ADGRB3: variants seen among roughly 807,000 people sequenced by gnomAD.
ADGRB3 encodes the protein brain-specific angiogenesis inhibitor 3.
ADGRB3 carries 37 observed loss-of-function variants against 193.4 expected under a neutral mutation model. The observed-to-expected ratio is 0.19, with a 90% CI of 0.15 to 0.25. The LOEUF (loss-of-function observed/expected upper bound fraction) is 0.25, where lower values mean the gene tolerates loss of function less well. ADGRB3 is among the 10% of genes least tolerant of loss of function. The pLI is 1.00. For synonymous variants in ADGRB3, 690 were observed against 644.2 expected, an observed-to-expected ratio of 1.07 and a Z score of -1.08; for missense variants, 1,637 against 1,852.9, an observed-to-expected ratio of 0.88 and a Z score of 2.14.
chr6:69,156,150 C>G (rs1774832688), intron 17 of ADGRB3, among the ~76,000 whole-genome samples: 1 of 152,168 alleles, frequency 6.6e-6, no homozygotes, highest in East Asian at 1.9e-4. Flanking sequence ...AATAAAATGT[C>G]ACTATTCCAT....
At chr6:68,663,836 T>C (rs1768732576) in intron 3 of ADGRB3, among the ~76,000 whole-genome samples, 1 of 151,852 alleles carries the variant, frequency 6.6e-6, no homozygotes, top group Admixed American at 6.6e-5. Context: ...TATGTGAAAG[T>C]CAAATATGAT....
At chr6:69,028,448 A>G (rs1299425204) in intron 13 of ADGRB3, among the ~76,000 whole-genome samples, 5 of 152,230 alleles carry the variant, frequency 3.3e-5, no homozygotes, top group Non-Finnish European at 5.9e-5. Context: ...ACAGCTTTAC[A>G]AATGTTATGT....
chr6:68,639,633 T>C (rs979329946), intron 3 of ADGRB3, among the ~76,000 whole-genome samples: 6 of 152,154 alleles, frequency 3.9e-5, no homozygotes, highest in African/African-American at 1.4e-4. Context: ...GAGGACTGGA[T>C]AGCTCAGCAG....
intron 3 of ADGRB3, among the ~76,000 whole-genome samples, chr6:68,641,978 C>T (rs1768093057): frequency 6.6e-6 from 1 of 151,776 alleles, no homozygotes; most frequent in Non-Finnish European, 1.5e-5. Flanking sequence ...TCATTTTATT[C>T]CAGAGTGTTA....
At chr6:68,764,584 A>G (rs1243862233) in intron 3 of ADGRB3, among the ~76,000 whole-genome samples, 2 of 152,214 alleles carry the variant, frequency 1.3e-5, no homozygotes, top group Non-Finnish European at 2.9e-5. Context: ...CAGCACCAGT[A>G]AAAGAAAATA....
At chr6:68,646,993 C>G (rs1768231623) in intron 3 of ADGRB3, among the ~76,000 whole-genome samples, 1 of 152,074 alleles carries the variant, frequency 6.6e-6, no homozygotes, top group Non-Finnish European at 1.5e-5. Flanking sequence ...GGGTTGGAAA[C>G]TTTAAGAAGG....
intron 10 of ADGRB3, among the ~76,000 whole-genome samples, chr6:68,985,087 T>TA (rs76157626): frequency 0.1 from 15,803 of 151,886 alleles, 1,648 homozygotes; most frequent in East Asian, 0.57. Context: ...AAGTCTGAAA[T>TA]ACAGAATTTA....
At chr6:68,867,682 C>CA (rs1179924368) in intron 3 of ADGRB3, among the ~76,000 whole-genome samples, 2 of 152,226 alleles carry the variant, frequency 1.3e-5, no homozygotes, top group Non-Finnish European at 2.9e-5. Flanking sequence ...CTGTAGCCTG[C>CA]AAAGCCACAG....
intron 17 of ADGRB3, among the ~76,000 whole-genome samples, chr6:69,100,714 G>A (rs1417282322): frequency 1.3e-5 from 2 of 150,382 alleles, no homozygotes; most frequent in Non-Finnish European, 3.0e-5. Context: ...ATTCCAGAAA[G>A]GTAATTACTG....
chr6:69,113,400 C>A (rs966026483), intron 17 of ADGRB3, among the ~76,000 whole-genome samples: 8 of 151,646 alleles, frequency 5.3e-5, no homozygotes, highest in African/African-American at 1.9e-4. Flanking sequence ...GTGTATATAT[C>A]ATATATACTC....
intron 3 of ADGRB3, among the ~76,000 whole-genome samples, chr6:68,822,972 T>C (rs1028517803): frequency 6.6e-6 from 1 of 151,904 alleles, no homozygotes; most frequent in Non-Finnish European, 1.5e-5. Context: ...ATGGCAGAAA[T>C]AAACATAAAG....
chr6:68,840,056 C>T (rs184228960), intron 3 of ADGRB3, among the ~76,000 whole-genome samples: 3 of 152,220 alleles, frequency 2.0e-5, no homozygotes, highest in African/African-American at 4.8e-5. Flanking sequence ...ATGGTCAGAA[C>T]GTGAGTTCTG....
At chr6:68,771,988 C>T (rs535348954) in intron 3 of ADGRB3, among the ~76,000 whole-genome samples, 2 of 152,206 alleles carry the variant, frequency 1.3e-5, no homozygotes, top group African/African-American at 4.8e-5. Context: ...CTGCTTGTCA[C>T]TTGCTTCTAT....
intron 17 of ADGRB3, among the ~76,000 whole-genome samples, chr6:69,224,950 A>G (rs1765978140): frequency 6.6e-6 from 1 of 152,096 alleles, no homozygotes; most frequent in African/African-American, 2.4e-5. Context: ...TCCTTTTAAT[A>G]TTAACACTCT....
chr6:68,882,522 G>C (rs1461441776), intron 3 of ADGRB3, among the ~76,000 whole-genome samples: 2 of 152,064 alleles, frequency 1.3e-5, no homozygotes, highest in Admixed American at 1.3e-4. Context: ...GGTTTTAAAA[G>C]AATTATATGC....
intron 20 of ADGRB3, among the ~76,000 whole-genome samples, chr6:69,256,080 G>A (rs1406913609): frequency 6.6e-6 from 1 of 151,602 alleles, no homozygotes; most frequent in Non-Finnish European, 1.5e-5. Flanking sequence ...TTTGGTACCA[G>A]TACCATGCTG....
intron 8 of ADGRB3, among the ~76,000 whole-genome samples, chr6:68,959,547 C>T (rs1768175733): frequency 6.6e-6 from 1 of 151,938 alleles, no homozygotes; most frequent in African/African-American, 2.4e-5. Flanking sequence ...ATATGAACAT[C>T]TTTGTTTGAA....
At chr6:69,286,249 C>T (rs1767549427) in intron 20 of ADGRB3, among the ~76,000 whole-genome samples, 1 of 152,024 alleles carries the variant, frequency 6.6e-6, no homozygotes, top group South Asian at 2.1e-4. Context: ...TGTGTTTTCT[C>T]ATTTCTCTTG....
At chr6:69,035,853 G>C (rs1027756710) in intron 13 of ADGRB3, among the ~76,000 whole-genome samples, 3 of 152,102 alleles carry the variant, frequency 2.0e-5, no homozygotes, top group African/African-American at 7.2e-5. Context: ...ATATGTCAAG[G>C]GTAACACTGA....
Sources: gnomAD v4.1 joint callset for allele counts (sites outside exome capture counted in the v4.1 genomes callset) on GRCh38, gnomAD v4.1.1 for gene constraint, MANE v1.5 for transcripts, NCBI Gene and HGNC (gene_info 2026-07-23, HGNC 2026-07-21) for gene names.